Variants in ITSN1 observed in about 807,000 individuals in gnomAD.
The protein encoded by ITSN1 is intersectin 1, also known as intersectin-1.
In ITSN1, 58 loss-of-function variants were observed where a neutral mutation model predicts 239.8. That is an observed-to-expected ratio of 0.24 (90% CI 0.20 to 0.30). ITSN1 has a LOEUF of 0.30. ITSN1 is among the 10% of genes least tolerant of loss of function. ITSN1 has a pLI of 1.00. For missense variants in ITSN1, 1,558 were observed against 2,103.3 expected (o/e 0.74, Z 5.07); for synonymous variants, 780 against 770.8 (o/e 1.01, Z -0.20).
At chr21:33,863,012 C>G (rs567622484) in intron 31 of ITSN1, among the ~76,000 whole-genome samples, 101 of 152,298 alleles carry the variant, frequency 6.6e-4, no homozygotes, top group African/African-American at 2.4e-3. Flanking sequence ...CATCTGTAAA[C>G]CTTTCTAGGA....
intron 24 of ITSN1, 116 bp downstream of exon 24, chr21:33,819,439 C>A: frequency 1.6e-6 from 1 of 636,014 alleles, no homozygotes; most frequent in Non-Finnish European, 2.7e-6. Flanking sequence ...GTATATTAAA[C>A]TACAGTAAAA....
At chr21:33,884,920 G>A (rs572885374) in intron 36 of ITSN1, 121 bp from the exon 37 acceptor site, 11 of 707,638 alleles carry the variant, frequency 1.6e-5, no homozygotes, top group South Asian at 6.8e-5. Context: ...TTTCTTTCCC[G>A]AGCCTTTGTT....
At chr21:33,837,887 C>G (rs118174051) in intron 29 of ITSN1, 15,505 of 985,758 alleles carry the variant, frequency 0.016, 173 homozygotes, top group Non-Finnish European at 0.016. Context: ...CCACTGAGGT[C>G]GTTACGATCA....
At chr21:33,831,854 C>T (rs1471101200) in intron 27 of ITSN1, among the ~76,000 whole-genome samples, 1 of 152,188 alleles carries the variant, frequency 6.6e-6, no homozygotes, top group Non-Finnish European at 1.5e-5. Flanking sequence ...AGGAATCTGA[C>T]CTCTGGAGGC....
At position 33,741,684 on chromosome 21, in the gene ITSN1, A is replaced by C. The variant is rs146728249; in HGVS notation, c.346+6480A>C. 5.2e-3 allele frequency among the ~76,000 whole-genome samples: 798 copies of C among 152,094 alleles called. 8 individuals are homozygous for C. Among genetic ancestry groups the C allele is most frequent in the East Asian group, 0.05 (255 of 5,144 alleles). On this transcript the variant is annotated intron_variant, in intron 5 of 39. Coordinates refer to ENST00000381318, the MANE Select transcript of ITSN1 (RefSeq NM_003024.3). Reference sequence around the variant, plus strand: ...CAGGTGGGCGGATCATGAGGTCAGGAGATCGAGACCATCCTGGCTAACATG... The same window carrying C: ...CAGGTGGGCGGATCATGAGGTCAGGCGATCGAGACCATCCTGGCTAACATG...
intron 1 of ITSN1, among the ~76,000 whole-genome samples, chr21:33,693,812 G>A (rs1008549328): frequency 1.3e-5 from 2 of 152,228 alleles, no homozygotes; most frequent in East Asian, 3.8e-4. Context: ...TCCTGTGGAA[G>A]GGCACAGGGT....
In ITSN1 at chr21:33,893,071, G is replaced by A. The variant is rs1986467693; in HGVS notation, c.*4771G>A. ...GCCCATTCCAGGAGAAGCAGTCTTA[G>A]GCCCGTTTGCATCCCCTGCCACTGC... is the stretch of plus-strand genomic sequence containing the variant. On this transcript the variant is annotated 3_prime_UTR_variant, in exon 40 of 40. Coordinates refer to ENST00000381318, the MANE Select transcript of ITSN1 (RefSeq NM_003024.3). 1 of 152,298 alleles carries A rather than the reference G, an allele frequency of 6.6e-6. No individual in the cohort carries two copies. Among genetic ancestry groups the A allele is most frequent in the African/African-American group, 2.4e-5 (1 of 41,442 alleles). 9.4% of individuals were successfully genotyped at this position (152,298 alleles called of 1,614,324 possible).
intron 36 of ITSN1, 83 bp downstream of exon 36, chr21:33,883,754 C>T (rs1985322415): frequency 2.0e-6 from 3 of 1,510,318 alleles, no homozygotes; most frequent in African/African-American, 2.8e-5. Context: ...AATCAGGTGC[C>T]AATGTTTCCC....
intron 22 of ITSN1, among the ~76,000 whole-genome samples, chr21:33,815,016 A>T (rs1487994671): frequency 6.6e-6 from 1 of 152,120 alleles, no homozygotes; most frequent in East Asian, 1.9e-4. Flanking sequence ...GGGAAGGGAG[A>T]AAGGCAGAAA....
chr21:33,698,021 C>T (rs996842765), intron 1 of ITSN1, among the ~76,000 whole-genome samples: 1 of 152,066 alleles, frequency 6.6e-6, no homozygotes, highest in African/African-American at 2.4e-5. Context: ...AATTGCTTTC[C>T]TGTCTTTCAT....
rs2071846905 is a variant in ITSN1 at position 33,799,874 on chromosome 21, C to G, written c.2249C>G (p.Pro750Arg). The G allele has an allele frequency of 9.3e-6, 15 of 1,613,764 alleles. No individual in the cohort carries two copies. Among genetic ancestry groups the G allele is most frequent in the Non-Finnish European group, 1.0e-5 (12 of 1,179,872 alleles). ...GTGGTGTATTACCGGGCACTGTACC[C>G]CTTTGAATCCAGAAGCCATGATGAA... ...VKVVYYRALYPFESRSHDEIT... is the reference protein window; with the variant it reads ...VKVVYYRALYRFESRSHDEIT... Residue 750 changes from proline (P) to arginine (R), a missense_variant, in exon 19 of 40, where the codon CCC becomes CGC. Physicochemically the swap from Pro to Arg is moderately radical, Grantham distance 103. Coordinates refer to ENST00000381318, the MANE Select transcript of ITSN1 (RefSeq NM_003024.3).
At position 33,896,345 on chromosome 21, in the gene ITSN1, T is replaced by C. The variant is rs1573275; in HGVS notation, c.*8045T>C. On this transcript the variant is annotated 3_prime_UTR_variant, in exon 40 of 40. Transcript: ENST00000381318. ...CTTCCTCTGGGCCTTGGGCATCCACTGGGAGCTTTTCTCCCCTTTCCTGGG... is the reference window on the plus strand; with the variant it reads ...CTTCCTCTGGGCCTTGGGCATCCACCGGGAGCTTTTCTCCCCTTTCCTGGG... 0.68 allele frequency: 103,505 copies of C among 152,208 alleles called. 35,409 individuals carry two copies. Among genetic ancestry groups the C allele is most frequent in the East Asian group, 0.72 (3,722 of 5,148 alleles). The allele number at this position is 152,208 out of a possible 1,614,324, so 9.4% of individuals were successfully genotyped here.
intron 1 of ITSN1, among the ~76,000 whole-genome samples, chr21:33,644,155 C>G (rs2087711712): frequency 6.6e-6 from 1 of 152,200 alleles, no homozygotes; most frequent in African/African-American, 2.4e-5. Context: ...CTTAGTTTAT[C>G]TCTGAGAACA....
intron 1 of ITSN1, among the ~76,000 whole-genome samples, chr21:33,665,802 AGAAAC>A (rs1329990139): frequency 3.3e-5 from 5 of 152,260 alleles, no homozygotes; most frequent in Non-Finnish European, 7.3e-5. Flanking sequence ...AGCTATAAAA[AGAAAC>A]GAATGATATA....
At chr21:33,821,312 G>C (rs112671216) in intron 24 of ITSN1, among the ~76,000 whole-genome samples, 2 of 152,230 alleles carry the variant, frequency 1.3e-5, no homozygotes, top group East Asian at 3.9e-4. Flanking sequence ...AAATGACTTA[G>C]TTATTAGAAA....
chr21:33,718,699 T>G, intron 1 of ITSN1, 98 bp from the exon 2 acceptor site: 2 of 782,702 alleles, frequency 2.6e-6, no homozygotes, highest in Non-Finnish European at 4.5e-6. Context: ...CTGGCTCTAG[T>G]ATTAGTCCTC....
At chr21:33,724,047 G>A (rs948657296) in intron 4 of ITSN1, among the ~76,000 whole-genome samples, 1 of 152,062 alleles carries the variant, frequency 6.6e-6, no homozygotes, top group Non-Finnish European at 1.5e-5. Context: ...ATGAAAATTA[G>A]TAACTGTCCT....
chr21:33,738,113 G>A (rs1400181596), intron 5 of ITSN1, among the ~76,000 whole-genome samples: 2 of 151,914 alleles, frequency 1.3e-5, no homozygotes, highest in Non-Finnish European at 2.9e-5. Context: ...AGCCCAGGAG[G>A]TGGAGGTTGC....
At chr21:33,747,935 A>G (rs2147428457) in intron 5 of ITSN1, among the ~76,000 whole-genome samples, 1 of 152,296 alleles carries the variant, frequency 6.6e-6, no homozygotes, top group African/African-American at 2.4e-5. Context: ...AATTTAGAAG[A>G]CCACATAAAT....
Sources: allele counts gnomAD v4.1 joint callset (sites outside exome capture counted in the v4.1 genomes callset), GRCh38; gene constraint gnomAD v4.1.1; transcripts MANE v1.5; gene names NCBI Gene and HGNC (gene_info 2026-07-23, HGNC 2026-07-21).